GRIK2: variants seen among roughly 807,000 people sequenced by gnomAD.
GRIK2 encodes glutamate ionotropic receptor kainate type subunit 2.
Under a neutral mutation model 100.3 loss-of-function variants are expected in GRIK2, and 32 were observed. The ratio of observed to expected loss-of-function variants is 0.32; its 90% CI spans 0.24 to 0.43. The LOEUF (loss-of-function observed/expected upper bound fraction) is 0.43. Ranked by LOEUF, GRIK2 falls within the 20% of genes least tolerant of loss-of-function variation. The pLI is 1.00. For synonymous variants in GRIK2, 417 were observed against 389.4 expected (o/e 1.07, Z -0.83); for missense variants, 843 against 1,114.9 (o/e 0.76, Z 3.47).
intron 5 of GRIK2, among the ~76,000 whole-genome samples, chr6:101,678,992 A>C (rs933392323): frequency 1.3e-5 from 2 of 152,198 alleles, no homozygotes; most frequent in Non-Finnish European, 2.9e-5. Flanking sequence ...ACTAATTGGC[A>C]TGCATGCCTC....
At chr6:101,872,663 C>T (rs1209734681) in intron 11 of GRIK2, among the ~76,000 whole-genome samples, 1 of 151,840 alleles carries the variant, frequency 6.6e-6, no homozygotes, top group Non-Finnish European at 1.5e-5. Flanking sequence ...ATAATTCCCC[C>T]TTCCCATCCC....
intron 10 of GRIK2, among the ~76,000 whole-genome samples, chr6:101,831,821 C>A (rs1782718227): frequency 6.6e-6 from 1 of 152,014 alleles, no homozygotes; most frequent in South Asian, 2.1e-4. Context: ...AACTAATATT[C>A]TTAAATATAT....
At chr6:101,641,201 T>C (rs943228920) in intron 4 of GRIK2, among the ~76,000 whole-genome samples, 1 of 152,048 alleles carries the variant, frequency 6.6e-6, no homozygotes, top group African/African-American at 2.4e-5. Context: ...TTCATATAAA[T>C]TTAAAAATAG....
intron 14 of GRIK2, among the ~76,000 whole-genome samples, chr6:102,014,910 G>A (rs1263978104): frequency 6.6e-6 from 1 of 152,082 alleles, no homozygotes; most frequent in East Asian, 1.9e-4. Context: ...TGTATATTCT[G>A]TTGTTTTGGG....
intron 10 of GRIK2, among the ~76,000 whole-genome samples, chr6:101,855,330 C>T (rs948121489): frequency 6.6e-6 from 1 of 152,126 alleles, no homozygotes; most frequent in Non-Finnish European, 1.5e-5. Flanking sequence ...ATTGCACATA[C>T]ATCAAAAGAT....
chr6:101,990,672 G>T (rs1794303083), intron 14 of GRIK2, among the ~76,000 whole-genome samples: 1 of 151,542 alleles, frequency 6.6e-6, no homozygotes, highest in South Asian at 2.1e-4. Context: ...AAGTGAAAGG[G>T]AGGATTTTGA....
At chr6:101,872,371 C>T (rs1204105009) in intron 11 of GRIK2, among the ~76,000 whole-genome samples, 1 of 151,816 alleles carries the variant, frequency 6.6e-6, no homozygotes, top group Non-Finnish European at 1.5e-5. Flanking sequence ...GGGAAGCAAA[C>T]ATGTCCTTCT....
At chr6:101,471,849 A>G (rs775437221) in intron 2 of GRIK2, among the ~76,000 whole-genome samples, 1 of 151,958 alleles carries the variant, frequency 6.6e-6, no homozygotes, top group East Asian at 1.9e-4. Context: ...TGATTCTTTC[A>G]TTAATAGCTC....
chr6:101,912,043 A>AACACACACAC (rs1554285094), intron 12 of GRIK2, among the ~76,000 whole-genome samples: 4 of 134,628 alleles, frequency 3.0e-5, no homozygotes, highest in South Asian at 2.6e-4. Flanking sequence ...TACCAGGGGC[A>AACACACACAC]ACGCACACAC....
chr6:101,396,240 AT>A (rs141053197), intron 1 of GRIK2, among the ~76,000 whole-genome samples: 31 of 133,768 alleles, frequency 2.3e-4, no homozygotes, highest in African/African-American at 8.8e-4. Flanking sequence ...TAAATTTAGC[AT>A]TCCCCCCCCC....
At chr6:101,633,183 T>C (rs1780844434) in intron 4 of GRIK2, among the ~76,000 whole-genome samples, 1 of 152,106 alleles carries the variant, frequency 6.6e-6, no homozygotes, top group Admixed American at 6.6e-5. Flanking sequence ...TACATGGTTA[T>C]AGCAATATCA....
chr6:101,531,864 T>G (rs1775459117), intron 2 of GRIK2, among the ~76,000 whole-genome samples: 1 of 151,890 alleles, frequency 6.6e-6, no homozygotes, highest in Non-Finnish European at 1.5e-5. Flanking sequence ...GGATACCTCA[T>G]TCTGCCCCCA....
chr6:101,929,232 A>G (rs1430107587), intron 14 of GRIK2, among the ~76,000 whole-genome samples: 1 of 152,146 alleles, frequency 6.6e-6, no homozygotes, highest in African/African-American at 2.4e-5. Flanking sequence ...TTTCTGTCAT[A>G]TAGAGTGCCT....
intron 4 of GRIK2, among the ~76,000 whole-genome samples, chr6:101,651,326 T>TTTCA (rs751012215): frequency 5.6e-4 from 85 of 152,238 alleles, no homozygotes; most frequent in Non-Finnish European, 1.1e-3. Context: ...TTAAAGACCA[T>TTTCA]TTCATTCATT....
intron 7 of GRIK2, among the ~76,000 whole-genome samples, chr6:101,775,086 T>C (rs1490487225): frequency 1.3e-5 from 2 of 152,074 alleles, no homozygotes; most frequent in Non-Finnish European, 2.9e-5. Flanking sequence ...TTTGAAAGAA[T>C]GAAAGCCCGT....
intron 7 of GRIK2, among the ~76,000 whole-genome samples, chr6:101,795,830 G>A (rs1490640532): frequency 6.6e-6 from 1 of 152,152 alleles, no homozygotes; most frequent in Non-Finnish European, 1.5e-5. Flanking sequence ...TGGGTGCATG[G>A]GAATAGGCTG....
intron 15 of GRIK2, among the ~76,000 whole-genome samples, chr6:102,041,297 C>CAAAG (rs1023550100): frequency 7.2e-5 from 11 of 151,736 alleles, no homozygotes; most frequent in South Asian, 2.1e-4. Flanking sequence ...ATTTTATACA[C>CAAAG]AAAGATTGGA....
At chr6:101,719,666 G>T (rs1400270919) in intron 7 of GRIK2, among the ~76,000 whole-genome samples, 1 of 151,954 alleles carries the variant, frequency 6.6e-6, no homozygotes, top group Admixed American at 6.6e-5. Context: ...GGAGGTGATT[G>T]CACATTATAT....
chr6:101,599,152 TAAGTGAAAATATGTGGTA>T (rs1448637078), intron 2 of GRIK2, among the ~76,000 whole-genome samples: 1 of 151,848 alleles, frequency 6.6e-6, no homozygotes, highest in Non-Finnish European at 1.5e-5. Flanking sequence ...CACCCACTTA[TAAGTGAAAATATGTGGTA>T]TTGGGTTTTC....
Sources: gnomAD v4.1 joint callset for allele counts (sites outside exome capture counted in the v4.1 genomes callset) on GRCh38, gnomAD v4.1.1 for gene constraint, MANE v1.5 for transcripts, NCBI Gene and HGNC (gene_info 2026-07-23, HGNC 2026-07-21) for gene names.